SETD3: variants seen among roughly 807,000 people sequenced by gnomAD.
SETD3 encodes the protein actin-histidine N-methyltransferase.
In SETD3, 19 loss-of-function variants were observed where a neutral mutation model predicts 63.0. The observed-to-expected ratio is 0.30, with a 90% CI of 0.21 to 0.44. The LOEUF is 0.44. Ranked by LOEUF, SETD3 falls within the 20% of genes least tolerant of loss-of-function variation. The probability of loss-of-function intolerance (pLI) is 1.00; values close to 1 mark genes in which losing one functional copy is unlikely to be tolerated. For synonymous variants in SETD3, 286 were observed against 264.1 expected (o/e 1.08, Z -0.80); for missense variants, 587 against 728.5 (o/e 0.81, Z 2.24).
At chr14:99,412,490 A>T (rs1287601097) in intron 8 of SETD3, 1 of 153,584 alleles carries the variant, frequency 6.5e-6, no homozygotes, top group Non-Finnish European at 1.4e-5. Context: ...GGGACCGGGG[A>T]CAAGAAAGAA....
chr14:99,467,887 T>G (rs8021156), intron 1 of SETD3, among the ~76,000 whole-genome samples: 149,781 of 152,204 alleles, frequency 0.98, 73,739 homozygotes, highest in East Asian at 1. Flanking sequence ...TTCTCTCAGC[T>G]ATCCACCCAA....
At chr14:99,412,884 C>A (rs1328736270) in intron 8 of SETD3, 67 bp downstream of exon 8, 3 of 1,116,080 alleles carry the variant, frequency 2.7e-6, no homozygotes. Context: ...GGAATAACAG[C>A]CCCCTCCCAA....
intron 3 of SETD3, 69 bp from the exon 4 acceptor site, chr14:99,461,409 A>G (rs1895055665): frequency 6.6e-7 from 1 of 1,513,714 alleles, no homozygotes; most frequent in Admixed American, 2.0e-5. Context: ...CGTCTCTCAG[A>G]AAATAAAAAC....
At chr14:99,464,492 C>A (rs1595260763) in intron 2 of SETD3, among the ~76,000 whole-genome samples, 1 of 152,216 alleles carries the variant, frequency 6.6e-6, no homozygotes, top group East Asian at 1.9e-4. Flanking sequence ...GCGAGCCTGT[C>A]CTCAAGCTGC....
At chr14:99,448,894 T>C (rs150770657) in intron 6 of SETD3, among the ~76,000 whole-genome samples, 3 of 152,362 alleles carry the variant, frequency 2.0e-5, no homozygotes, top group African/African-American at 7.2e-5. Flanking sequence ...AATGATCTGC[T>C]GTGTTATGCA....
chr14:99,435,097 T>G (rs2139701411), intron 6 of SETD3, among the ~76,000 whole-genome samples: 2 of 152,310 alleles, frequency 1.3e-5, no homozygotes, highest in African/African-American at 4.8e-5. Flanking sequence ...GTTATTACTC[T>G]GATACCATTT....
At chr14:99,437,754 T>G (rs1447860720) in intron 6 of SETD3, among the ~76,000 whole-genome samples, 1 of 152,212 alleles carries the variant, frequency 6.6e-6, no homozygotes, top group Non-Finnish European at 1.5e-5. Context: ...AGATACTATT[T>G]CAAAAGCCTC....
At chr14:99,420,830 C>G (rs1175855078) in intron 6 of SETD3, among the ~76,000 whole-genome samples, 1 of 150,108 alleles carries the variant, frequency 6.7e-6, no homozygotes, top group African/African-American at 2.5e-5. Context: ...CCAACTCACC[C>G]CGAACATGTA....
At chr14:99,417,655 C>G (rs1015536281) in intron 6 of SETD3, among the ~76,000 whole-genome samples, 2 of 152,178 alleles carry the variant, frequency 1.3e-5, no homozygotes, top group African/African-American at 2.4e-5. Context: ...CCAAAATAAG[C>G]AGAATTCATT....
chr14:99,399,007 C>A lies in SETD3; in HGVS notation c.1457G>T (p.Arg486Leu). 6.2e-7 allele frequency: 1 copy of A among 1,614,210 alleles called. No individual in the cohort carries two copies. Residue 486 changes from arginine to leucine, a missense_variant, in exon 13 of 13, where the codon CGG (arginine) becomes CTG (leucine). Transcript: ENST00000331768. Reference sequence around the variant, plus strand: ...CTCCATCTGTTGGCGATAGTATTCCCGGTTGACAGCTGCACTCTTTACTGC... The same window carrying A: ...CTCCATCTGTTGGCGATAGTATTCCAGGTTGACAGCTGCACTCTTTACTGC... ...EKAVKSAAVNREYYRQQMEEK... is the reference protein window; with the variant it reads ...EKAVKSAAVNLEYYRQQMEEK...
chr14:99,400,731 C>T (rs911187249), intron 11 of SETD3, among the ~76,000 whole-genome samples: 1 of 152,186 alleles, frequency 6.6e-6, no homozygotes, highest in African/African-American at 2.4e-5. Context: ...CTGATTGGCA[C>T]TTATTCTAGT....
chr14:99,442,980 ATGT>A (rs1318853381), intron 6 of SETD3, among the ~76,000 whole-genome samples: 2 of 152,158 alleles, frequency 1.3e-5, no homozygotes, highest in Non-Finnish European at 2.9e-5. Flanking sequence ...CGGGACGCTG[ATGT>A]TGTGGCACAG....
chr14:99,456,871 GACCTGCCATCATCCTAGACCCTCCA>G (rs1258256674), intron 6 of SETD3, among the ~76,000 whole-genome samples: 1 of 152,212 alleles, frequency 6.6e-6, no homozygotes, highest in Non-Finnish European at 1.5e-5. Flanking sequence ...GTTATCAGAA[GACCTGCCATCATCCTAGACCCTCCA>G]ACCTGCCAAC....
At chr14:99,433,773 C>A (rs527317153) in intron 6 of SETD3, among the ~76,000 whole-genome samples, 1 of 152,190 alleles carries the variant, frequency 6.6e-6, no homozygotes, top group Non-Finnish European at 1.5e-5. Flanking sequence ...TTTGAACAGG[C>A]ACTTCCCAAA....
Position 99,458,461 on chromosome 14 carries a change from G to A in SETD3, c.493C>T (p.Arg165Ter), listed in dbSNP as rs751460673. The A allele has an allele frequency of 1.2e-6, 2 of 1,614,094 alleles. No homozygotes were observed. Among genetic ancestry groups the A allele is most frequent in the South Asian group, 1.1e-5 (1 of 91,082 alleles). Residue 165 changes from arginine (R) to a stop codon, truncating the protein, a stop_gained, in exon 6 of 13, where the codon CGA (arginine) becomes TGA (stop). Transcript: ENST00000331768. LOFTEE classifies it high-confidence loss of function. The stretch of plus-strand genomic sequence containing the variant: ...TGCCAGAAGGAGTTAGGGCTGGCTC[G>A]CTCACACAGCAAATGAAAGGCCAGT... ...IALAFHLLCE[R>*]ASPNSFWQPY...
At chr14:99,405,425 T>G (rs1033851142) in intron 9 of SETD3, 54 bp from the exon 10 acceptor site, 2 of 1,574,560 alleles carry the variant, frequency 1.3e-6, no homozygotes, top group Non-Finnish European at 8.6e-7. Flanking sequence ...TGGCATGTAT[T>G]CTTAACACAG....
intron 6 of SETD3, among the ~76,000 whole-genome samples, chr14:99,418,586 T>A (rs909555419): frequency 3.9e-5 from 6 of 152,136 alleles, no homozygotes; most frequent in Admixed American, 6.5e-5. Context: ...GCCTGTGGCA[T>A]CCTCCCTAGG....
At chr14:99,450,803 AT>A (rs1308359376) in intron 6 of SETD3, among the ~76,000 whole-genome samples, 1 of 152,254 alleles carries the variant, frequency 6.6e-6, no homozygotes, top group East Asian at 1.9e-4. Flanking sequence ...CAACTGAAAA[AT>A]AGTAGTAATA....
chr14:99,403,082 G>C (rs1891469886), intron 11 of SETD3, among the ~76,000 whole-genome samples: 1 of 152,094 alleles, frequency 6.6e-6, no homozygotes, highest in African/African-American at 2.4e-5. Flanking sequence ...CTAGCGACAG[G>C]GTTGCTTATG....
Sources: allele counts gnomAD v4.1 joint callset (sites outside exome capture counted in the v4.1 genomes callset), GRCh38; gene constraint gnomAD v4.1.1; transcripts MANE v1.5; gene names NCBI Gene and HGNC (gene_info 2026-07-23, HGNC 2026-07-21).